MGAM2: variants seen among roughly 807,000 people sequenced by gnomAD.
MGAM2 encodes maltase-glucoamylase 2 (putative), also known as probable maltase-glucoamylase 2.
MGAM2 carries 98 observed loss-of-function variants against 96.1 expected under a neutral mutation model. The ratio of observed to expected loss-of-function variants is 1.02; its 90% CI spans 0.87 to 1.21. The LOEUF (loss-of-function observed/expected upper bound fraction) is 1.21, where lower values mean the gene tolerates loss of function less well. MGAM2 is among the 50% of genes most tolerant of loss of function. The pLI, the probability that MGAM2 is intolerant of heterozygous loss-of-function variation, is 0.00. For missense variants in MGAM2, 2,055 were observed against 1,182.4 expected (o/e 1.74, Z -10.82); for synonymous variants, 749 against 414.8 (o/e 1.81, Z -9.79).
intron 13 of MGAM2, chr7:142,144,087 A>G (rs879509062): frequency 5.4e-6 from 2 of 367,334 alleles, no homozygotes; most frequent in Admixed American, 8.4e-5. Context: ...TGCATCTTTC[A>G]TCAACTGGTT....
In MGAM2 at chr7:142,185,969, A is replaced by AGT; in HGVS notation, c.3988-13_3988-12dup. Reference sequence around the variant, plus strand: ...TATAGGCTGAGACCCCGACAATGAGAGTGTGTGTTATTCTTACAGCTTTAC... The same window carrying AGT: ...TATAGGCTGAGACCCCGACAATGAGAGTGTGTGTGTTATTCTTACAGCTTTAC... On this transcript the variant is annotated intron_variant, in intron 34 of 47. Coordinates refer to ENST00000477922, the MANE Select transcript of MGAM2 (RefSeq NM_001293626.2). The AGT allele has an allele frequency of 1.4e-6, 1 of 702,384 alleles. No homozygotes were observed. The allele number at this position is 702,384 out of a possible 1,614,324, so 43.5% of individuals were successfully genotyped here.
At chr7:142,142,332 T>C (rs757550212) in intron 12 of MGAM2, among the ~76,000 whole-genome samples, 5 of 152,134 alleles carry the variant, frequency 3.3e-5, no homozygotes, top group Non-Finnish European at 4.4e-5. Flanking sequence ...ATTATTTTGC[T>C]CACCTAAAAT....
intron 35 of MGAM2, among the ~76,000 whole-genome samples, chr7:142,186,832 C>A (rs1796714310): frequency 6.6e-6 from 1 of 152,178 alleles, no homozygotes; most frequent in Admixed American, 6.5e-5. Flanking sequence ...ACCACCCGCA[C>A]CTTTGAGATA....
rs150316890 is a variant in MGAM2 at position 142,140,865 on chromosome 7, G to A, written c.1150G>A (p.Ala384Thr). The A allele has an allele frequency of 3.2e-4, 225 of 702,908 alleles. 2 individuals carry two copies. In the East Asian group the frequency reaches 5.4e-3, roughly 17 times the overall value. 43.5% of individuals were successfully genotyped at this position (702,908 alleles called of 1,614,324 possible). Reference protein sequence around the residue: ...GKKDFTVDEVAYSGLPDFVKE... With the variant: ...GKKDFTVDEVTYSGLPDFVKE... ...GAAGGATTTCACTGTTGATGAAGTCGCTTACTCTGGTCTCCCAGATTTTGT... is the reference window on the plus strand; with the variant it reads ...GAAGGATTTCACTGTTGATGAAGTCACTTACTCTGGTCTCCCAGATTTTGT... The change falls in exon 11 of 48, where the codon GCT becomes ACT. Residue 384 changes from alanine to threonine, a missense_variant. By Grantham distance (58) the Ala-to-Thr change is moderately conservative. Transcript: ENST00000477922.
intron 3 of MGAM2, among the ~76,000 whole-genome samples, chr7:142,129,712 C>T (rs1047845487): frequency 6.6e-6 from 1 of 150,600 alleles, no homozygotes; most frequent in African/African-American, 2.4e-5. Context: ...GTAATCCTAG[C>T]TACTCAGGAG....
At chr7:142,172,015 T>G in intron 28 of MGAM2, 83 bp from the exon 29 acceptor site, 1 of 543,470 alleles carries the variant, frequency 1.8e-6, no homozygotes, top group Non-Finnish European at 3.4e-6. Flanking sequence ...TCTTTAATGA[T>G]GAGTAAGAGT....
intron 10 of MGAM2, among the ~76,000 whole-genome samples, chr7:142,139,983 C>T (rs967144637): frequency 4.6e-5 from 7 of 152,254 alleles, no homozygotes; most frequent in Non-Finnish European, 1.0e-4. Context: ...AATGACTGCT[C>T]AGTATTAGAA....
intron 10 of MGAM2, among the ~76,000 whole-genome samples, chr7:142,139,819 A>G (rs1024402804): frequency 1.3e-5 from 2 of 151,684 alleles, no homozygotes; most frequent in Non-Finnish European, 2.9e-5. Flanking sequence ...AAAAAAACAG[A>G]TGGTCAATGT....
chr7:142,202,890 C>T (rs1213047624), intron 45 of MGAM2, among the ~76,000 whole-genome samples: 2 of 152,154 alleles, frequency 1.3e-5, no homozygotes, highest in Non-Finnish European at 2.9e-5. Flanking sequence ...AATAAATCTC[C>T]AGACTACTTT....
intron 6 of MGAM2, among the ~76,000 whole-genome samples, chr7:142,132,521 T>C (rs1286462830): frequency 2.2e-5 from 3 of 136,196 alleles, no homozygotes; most frequent in Non-Finnish European, 3.1e-5. Flanking sequence ...AATTTAAATG[T>C]AATTTAAAAT....
At chr7:142,187,895 T>G (rs1486714056) in intron 36 of MGAM2, 61 bp downstream of exon 36, 2 of 679,188 alleles carry the variant, frequency 2.9e-6, no homozygotes, top group African/African-American at 3.5e-5. Flanking sequence ...AAAGTTTTCC[T>G]TTTACTGTCA....
At chr7:142,208,551 CT>C (rs1439174219) in intron 45 of MGAM2, 21 bp from the exon 46 acceptor site, 2 of 702,144 alleles carry the variant, frequency 2.8e-6, no homozygotes, top group Admixed American at 4.0e-5. Flanking sequence ...GTTGCTTATT[CT>C]TTTCTTTTCC....
rs557476228 is a variant in MGAM2 at position 142,131,573 on chromosome 7, C to T, written c.366C>T (p.Val122=). The T allele has an allele frequency of 1.3e-5, 9 of 703,032 alleles. No individual in the cohort carries two copies. In the East Asian group the frequency reaches 1.6e-4, roughly 13 times the overall value. 43.5% of individuals were successfully genotyped at this position (703,032 alleles called of 1,614,324 possible). A position where few individuals can be genotyped will look rare whatever the true frequency, so the allele number is the denominator to read the frequency against. The change falls in exon 5 of 48, where the codon GTC becomes GTT. Residue 122 remains valine (V), a synonymous_variant. Coordinates refer to ENST00000477922, the MANE Select transcript of MGAM2 (RefSeq NM_001293626.2). ...CACCATCTCTGTTTGGAAATGATGT[C>T]GCCACCACCCTTTTCACAGCTGAAT... The part of the protein sequence containing the change: ...LPSPSLFGND[V]ATTLFTAEYQ...
intron 46 of MGAM2, among the ~76,000 whole-genome samples, 188 bp downstream of exon 46, chr7:142,208,810 A>G (rs998240289): frequency 1.3e-5 from 2 of 152,192 alleles, no homozygotes; most frequent in Admixed American, 6.5e-5. Context: ...GTTTTCCAGT[A>G]TACTATCTCC....
intron 1 of MGAM2, among the ~76,000 whole-genome samples, chr7:142,114,148 A>G (rs186922070): frequency 0.036 from 4,343 of 122,010 alleles, 263 homozygotes; most frequent in Middle Eastern, 0.049. Context: ...GAAAGAAAGA[A>G]AGAAGGAAAG....
intron 37 of MGAM2, among the ~76,000 whole-genome samples, chr7:142,195,880 G>A (rs78783397): frequency 4.1e-4 from 62 of 152,134 alleles, no homozygotes; most frequent in African/African-American, 1.3e-3. Context: ...GCTATATTAC[G>A]CCTCACTCCC....
intron 37 of MGAM2, among the ~76,000 whole-genome samples, chr7:142,195,702 C>T (rs1427883737): frequency 6.6e-6 from 1 of 152,032 alleles, no homozygotes; most frequent in Non-Finnish European, 1.5e-5. Context: ...TAAAGATCAT[C>T]TTATTTTGTC....
rs1265557052 is a variant in MGAM2, at chr7:142,175,758, G to A, written c.3794G>A (p.Gly1265Asp). ...SLLIEQMKKN[G>D]MRFILILDPA... ...CTGATTGAGCAAATGAAGAAAAATG[G>A]CATGAGATTTATTCTCATTTTGGTA... Residue 1265 changes from glycine (G) to aspartate (D), a missense_variant, in exon 32 of 48, where the codon GGC (glycine) becomes GAC (aspartate). Physicochemically the swap from Gly to Asp is moderately conservative, Grantham distance 94 (BLOSUM62 -1). Coordinates refer to ENST00000477922, the MANE Select transcript of MGAM2 (RefSeq NM_001293626.2). The A allele has an allele frequency of 2.8e-6, 2 of 702,698 alleles. No individual in the cohort carries two copies. Among genetic ancestry groups the A allele is most frequent in the East Asian group, 5.4e-5 (2 of 37,246 alleles). 43.5% of individuals were successfully genotyped at this position (702,698 alleles called of 1,614,324 possible). A position where few individuals can be genotyped will look rare whatever the true frequency, so the allele number is the denominator to read the frequency against.
At chr7:142,114,216 G>GAGAGAA (rs1554499600) in intron 1 of MGAM2, among the ~76,000 whole-genome samples, 2,158 of 67,130 alleles carry the variant, frequency 0.032, 44 homozygotes, top group East Asian at 0.086. Context: ...GAAAGAAAGA[G>GAGAGAA]AGAAAGAAAG....
Sources: gnomAD v4.1 joint callset for allele counts (sites outside exome capture counted in the v4.1 genomes callset) on GRCh38, gnomAD v4.1.1 for gene constraint, MANE v1.5 for transcripts, NCBI Gene and HGNC (gene_info 2026-07-23, HGNC 2026-07-21) for gene names.